ITGB5: variants seen among roughly 807,000 people sequenced by gnomAD.
The protein encoded by ITGB5 is integrin subunit beta 5, also known as integrin beta-5.
In ITGB5, 38 loss-of-function variants were observed where a neutral mutation model predicts 84.8. The observed-to-expected ratio is 0.45, with a 90% CI of 0.35 to 0.59. The LOEUF (loss-of-function observed/expected upper bound fraction) is 0.59. Among genes scored for constraint, ITGB5 ranks in the 20% least tolerant of loss-of-function variants. The pLI is 0.01. For missense variants in ITGB5, 905 were observed against 1,034.5 expected (o/e 0.87, Z 1.72); for synonymous variants, 393 against 414.4 (o/e 0.95, Z 0.63).
intron 1 of ITGB5, among the ~76,000 whole-genome samples, chr3:124,896,746 T>TAAAAAAAA (rs34601718): frequency 8.0e-6 from 1 of 124,576 alleles, no homozygotes; most frequent in Admixed American, 8.6e-5. Context: ...GACCTTGTCT[T>TAAAAAAAA]AAAAAAAAAA....
intron 2 of ITGB5, among the ~76,000 whole-genome samples, chr3:124,873,215 T>C (rs1309963483): frequency 6.6e-6 from 1 of 152,216 alleles, no homozygotes; most frequent in Non-Finnish European, 1.5e-5. Flanking sequence ...AGGAAAGTCT[T>C]GTTTCCCCAA....
At chr3:124,858,230 T>G (rs12695447) in intron 3 of ITGB5, among the ~76,000 whole-genome samples, 19,389 of 152,018 alleles carry the variant, frequency 0.13, 1,355 homozygotes, top group Admixed American at 0.18. Flanking sequence ...ACATTATAAG[T>G]AATTATATTA....
rs1559941776 is a variant in ITGB5, at chr3:124,803,568, G to A, written c.1263+5454C>T. On this transcript the variant is annotated intron_variant, in intron 9 of 14. Coordinates refer to ENST00000296181, the MANE Select transcript of ITGB5 (RefSeq NM_002213.5). The stretch of plus-strand genomic sequence containing the variant: ...GTGATGAGCGAGATGACCTGGTGTG[G>A]AGGGGGAACGGCCTTGGTTTGGCTT... 2.6e-5 allele frequency among the ~76,000 whole-genome samples: 4 copies of A among 152,324 alleles called. No individual in the cohort carries two copies. The South Asian group carries it at 6.2e-4, about 24-fold the overall frequency.
intron 9 of ITGB5, among the ~76,000 whole-genome samples, chr3:124,802,656 C>T (rs1183909451): frequency 1.3e-5 from 2 of 152,208 alleles, no homozygotes; most frequent in Non-Finnish European, 2.9e-5. Flanking sequence ...AACATGGACC[C>T]CATATTTTCA....
chr3:124,853,243 C>G (rs1284946889), intron 3 of ITGB5, among the ~76,000 whole-genome samples: 2 of 152,196 alleles, frequency 1.3e-5, no homozygotes, highest in East Asian at 1.9e-4. Flanking sequence ...AGGACTACAA[C>G]TGAACAGAAA....
chr3:124,857,424 TGA>T (rs2065234547), intron 3 of ITGB5: 1 of 152,210 alleles, frequency 6.6e-6, no homozygotes, highest in Non-Finnish European at 1.5e-5. Flanking sequence ...CCTAAGATGC[TGA>T]GAGATGGAGT....
rs558152600 is a variant in ITGB5, at chr3:124,821,303, C to T, written c.942+10G>A. 3.4e-5 allele frequency: 54 copies of T among 1,607,846 alleles called. No individual in the cohort carries two copies. The South Asian group carries it at 5.1e-4, about 15-fold the overall frequency. On this transcript the variant is annotated intron_variant, in intron 6 of 14. Transcript: ENST00000296181. ...CAACAGGGAGGGGGGATCTGGTTCCCGGCACTCACCATCTGGTTGGATGCA... is the reference window on the plus strand; with the variant it reads ...CAACAGGGAGGGGGGATCTGGTTCCTGGCACTCACCATCTGGTTGGATGCA...
At chr3:124,773,971 C>CATCT (rs772288712) in intron 10 of ITGB5, 59 bp from the exon 11 acceptor site, 128 of 1,458,902 alleles carry the variant, frequency 8.8e-5, no homozygotes, top group Non-Finnish European at 1.2e-4. Flanking sequence ...AGCACATAAC[C>CATCT]ATCTGGTGCC....
chr3:124,886,425 C>T (rs1451645476), intron 1 of ITGB5, among the ~76,000 whole-genome samples: 1 of 152,160 alleles, frequency 6.6e-6, no homozygotes, highest in Admixed American at 6.5e-5. Context: ...GCTGTGGGCC[C>T]TGTGCACCCG....
chr3:124,808,137 G>A (rs566714282), intron 9 of ITGB5, among the ~76,000 whole-genome samples: 1 of 152,072 alleles, frequency 6.6e-6, no homozygotes, highest in South Asian at 2.1e-4. Flanking sequence ...AAGCCAGGGG[G>A]ATGAGTCAGC....
At chr3:124,858,243 G>A (rs865879982) in intron 3 of ITGB5, among the ~76,000 whole-genome samples, 9 of 151,754 alleles carry the variant, frequency 5.9e-5, no homozygotes, top group African/African-American at 1.5e-4. Flanking sequence ...TTATATTACC[G>A]TTTCCTTATA....
intron 1 of ITGB5, among the ~76,000 whole-genome samples, chr3:124,897,484 A>G (rs1935126527): frequency 1.3e-5 from 2 of 152,162 alleles, no homozygotes; most frequent in African/African-American, 2.4e-5. Flanking sequence ...TTATGTAATT[A>G]ATCTCTGACT....
chr3:124,769,089 G>C lies in ITGB5; in HGVS notation c.1941C>G (p.Leu647=). Residue 647 remains leucine (L), a synonymous_variant, in exon 12 of 15, where the codon CTC becomes CTG. Coordinates refer to ENST00000296181, the MANE Select transcript of ITGB5 (RefSeq NM_002213.5). ...TKRDCVECLL[L]HSGKPDNQTC... is the part of the protein sequence containing the mutation. ...TCTGGTTGTCAGGTTTCCCAGAGTGGAGCAGCAGGCACTCGACGCAATCTC... is the reference window on the plus strand; with the variant it reads ...TCTGGTTGTCAGGTTTCCCAGAGTGCAGCAGCAGGCACTCGACGCAATCTC... The C allele has an allele frequency of 2.5e-6, 4 of 1,614,038 alleles. No homozygotes were observed. Among genetic ancestry groups the C allele is most frequent in the Non-Finnish European group, 3.4e-6 (4 of 1,180,024 alleles).
intron 3 of ITGB5, among the ~76,000 whole-genome samples, chr3:124,856,377 T>G (rs916600336): frequency 1.3e-5 from 2 of 152,250 alleles, no homozygotes; most frequent in African/African-American, 4.8e-5. Context: ...GAAGAGAGAC[T>G]TGCCACCATA....
At chr3:124,824,162 C>T (rs1358584849) in intron 5 of ITGB5, among the ~76,000 whole-genome samples, 5 of 152,126 alleles carry the variant, frequency 3.3e-5, no homozygotes, top group African/African-American at 4.8e-5. Context: ...TGGAGGACTT[C>T]GTATCTTAGG....
rs147387890 is a variant in ITGB5 at position 124,830,845 on chromosome 3, G to A, written c.781-9371C>T. On this transcript the variant is annotated intron_variant, in intron 5 of 14. Coordinates refer to ENST00000296181, the MANE Select transcript of ITGB5 (RefSeq NM_002213.5). Reference sequence around the variant, plus strand: ...CTAAAAACACAAAAGTTAGCCAGGCGTGGTGGCACGTGCCTGTAATCCTAG... The same window carrying A: ...CTAAAAACACAAAAGTTAGCCAGGCATGGTGGCACGTGCCTGTAATCCTAG... Among the ~76,000 whole-genome samples the A allele has an allele frequency of 3.7e-3, 570 of 152,176 alleles. 3 individuals carry two copies. Among genetic ancestry groups the A allele is most frequent in the Admixed American group, 8.6e-3 (131 of 15,276 alleles).
At chr3:124,844,577 A>T (rs1176823056) in intron 4 of ITGB5, among the ~76,000 whole-genome samples, 1 of 152,072 alleles carries the variant, frequency 6.6e-6, no homozygotes, top group African/African-American at 2.4e-5. Flanking sequence ...AAAGGTAGGA[A>T]ATGGGCAGGC....
At chr3:124,798,444 C>T (rs1475343586) in intron 9 of ITGB5, among the ~76,000 whole-genome samples, 4 of 151,498 alleles carry the variant, frequency 2.6e-5, no homozygotes, top group African/African-American at 9.7e-5. Context: ...TTGTTTGAGA[C>T]AGAGTCTCTC....
At chr3:124,768,789 T>G (rs540352356) in intron 12 of ITGB5, among the ~76,000 whole-genome samples, 2 of 152,358 alleles carry the variant, frequency 1.3e-5, no homozygotes, top group East Asian at 3.9e-4. Flanking sequence ...TGTATGGTGA[T>G]TCTACGTTTG....
Sources: allele counts gnomAD v4.1 joint callset (sites outside exome capture counted in the v4.1 genomes callset), GRCh38; gene constraint gnomAD v4.1.1; transcripts MANE v1.5; gene names NCBI Gene and HGNC (gene_info 2026-07-23, HGNC 2026-07-21).